Variants in ANO6 observed in about 807,000 individuals in gnomAD.
The protein encoded by ANO6 is anoctamin 6, also known as anoctamin-6.
A neutral mutation model predicts 117.5 loss-of-function variants in ANO6; 106 were observed. The observed-to-expected ratio is 0.90, with a 90% confidence interval of 0.77 to 1.06. The LOEUF is 1.06. Ranked by LOEUF, ANO6 falls within the 50% of genes least tolerant of loss-of-function variation. The probability of loss-of-function intolerance (pLI) is 0.00; values close to 1 mark genes in which losing one functional copy is unlikely to be tolerated. For missense variants in ANO6, 955 were observed against 1,121.1 expected (o/e 0.85, Z 2.12); for synonymous variants, 367 against 385.1 (o/e 0.95, Z 0.55).
At chr12:45,344,542 G>A (rs952649884) in intron 3 of ANO6, among the ~76,000 whole-genome samples, 17 of 152,222 alleles carry the variant, frequency 1.1e-4, no homozygotes, top group African/African-American at 3.9e-4. Context: ...ACCAGATCTC[G>A]TGAGAACTCA....
chr12:45,225,146 C>T (rs1411352098), intron 1 of ANO6, among the ~76,000 whole-genome samples: 3 of 149,622 alleles, frequency 2.0e-5, no homozygotes, highest in Middle Eastern at 3.2e-3. Flanking sequence ...TGTCATTGTG[C>T]CACTGCAGTC....
chr12:45,388,188 G>T lies in ANO6; in HGVS notation c.1193G>T (p.Arg398Leu). 6.2e-7 allele frequency: 1 copy of T among 1,613,938 alleles called. No individual in the cohort carries two copies. Among genetic ancestry groups the T allele is most frequent in the African/African-American group, 1.3e-5 (1 of 75,018 alleles). ...ACCTTGTTTTTGGAGTTTTGGAAGC[G>T]ACGCCAGGCAGAACTTGAGTATGAA... is the stretch of plus-strand genomic sequence containing the variant. ...WVTLFLEFWK[R>L]RQAELEYEWD... is the part of the protein sequence containing the mutation. The change falls in exon 11 of 20, where the codon CGA becomes CTA. Residue 398 changes from arginine to leucine, a missense_variant. By Grantham distance (102) the Arg-to-Leu change is moderately radical. Transcript: ENST00000320560.
intron 1 of ANO6, among the ~76,000 whole-genome samples, chr12:45,221,055 G>T (rs1947388599): frequency 6.9e-6 from 1 of 144,636 alleles, no homozygotes. Context: ...ATTGGTGTCG[G>T]AAGTGGGGGG....
chr12:45,232,973 TC>T (rs1947596139), intron 1 of ANO6, among the ~76,000 whole-genome samples: 1 of 152,296 alleles, frequency 6.6e-6, no homozygotes, highest in East Asian at 1.9e-4. Flanking sequence ...GTACATCTGT[TC>T]CCTGCACTCC....
Position 45,429,379 on chromosome 12 carries a change from G to A in ANO6, c.*68G>A, listed in dbSNP as rs1258657015. On this transcript the variant is annotated 3_prime_UTR_variant, in exon 20 of 20. Coordinates refer to ENST00000320560, the MANE Select transcript of ANO6 (RefSeq NM_001025356.3). ...TCAAAATATATTAGGAATCACTAATGAGAATGTGTAAGTTAAATCACTTTG... is the reference window on the plus strand; with the variant it reads ...TCAAAATATATTAGGAATCACTAATAAGAATGTGTAAGTTAAATCACTTTG... 36 of 1,571,042 alleles carry A rather than the reference G, an allele frequency of 2.3e-5. No individual in the cohort carries two copies. In the African/African-American group the frequency reaches 4.4e-4, roughly 19 times the overall value.
At chr12:45,361,033 G>A (rs1184108104) in intron 8 of ANO6, among the ~76,000 whole-genome samples, 1 of 152,134 alleles carries the variant, frequency 6.6e-6, no homozygotes, top group Non-Finnish European at 1.5e-5. Context: ...TGTTTTGGCT[G>A]TTCTGGGTCT....
rs866444288 is a variant in ANO6, at chr12:45,383,306, C to T, written c.1166-4855C>T. 20 of 156,942 alleles carry T rather than the reference C, an allele frequency of 1.3e-4. No individual in the cohort carries two copies. In the East Asian group the frequency reaches 3.1e-3, roughly 24 times the overall value. 9.7% of individuals were successfully genotyped at this position (156,942 alleles called of 1,614,324 possible). On this transcript the variant is annotated intron_variant, in intron 10 of 19. Coordinates refer to ENST00000320560, the MANE Select transcript of ANO6 (RefSeq NM_001025356.3). Reference sequence around the variant, plus strand: ...CTTCTTGCTCTTTCTACCACATCTGCAGTGACTTCCTCCACTGAAGTCTTG... The same window carrying T: ...CTTCTTGCTCTTTCTACCACATCTGTAGTGACTTCCTCCACTGAAGTCTTG...
intron 1 of ANO6, among the ~76,000 whole-genome samples, chr12:45,299,315 C>T (rs1272130818): frequency 5.3e-5 from 8 of 152,146 alleles, no homozygotes. Flanking sequence ...TACTATAGCC[C>T]TCCAGGAGTT....
At chr12:45,317,524 T>G (rs1014318249) in intron 2 of ANO6, among the ~76,000 whole-genome samples, 2 of 151,792 alleles carry the variant, frequency 1.3e-5, no homozygotes, top group African/African-American at 2.4e-5. Flanking sequence ...TCTATCATTG[T>G]TGGACATTTG....
In ANO6 at chr12:45,431,063, T is replaced by C; in HGVS notation, c.*1752T>C. 1.0e-6 allele frequency: 1 copy of C among 985,424 alleles called. No homozygotes were observed. The highest frequency in any genetic ancestry group is 1.2e-6 in the Non-Finnish European group (1 of 829,928). 61.0% of individuals were successfully genotyped at this position (985,424 alleles called of 1,614,324 possible). ...CATGAATGATTTGTAAGTAATTATG[T>C]AGGATCCATCAAAGCAGTATTGTAG... On this transcript the variant is annotated 3_prime_UTR_variant, in exon 20 of 20. Coordinates refer to ENST00000320560, the MANE Select transcript of ANO6 (RefSeq NM_001025356.3).
intron 1 of ANO6, among the ~76,000 whole-genome samples, chr12:45,234,076 A>G (rs1347008267): frequency 6.6e-6 from 1 of 152,222 alleles, no homozygotes; most frequent in African/African-American, 2.4e-5. Flanking sequence ...AAAGTCAGGT[A>G]GCTTTTGGTC....
chr12:45,309,732 G>A (rs1939790303), intron 2 of ANO6, among the ~76,000 whole-genome samples: 1 of 152,026 alleles, frequency 6.6e-6, no homozygotes, highest in South Asian at 2.1e-4. Flanking sequence ...TCTGCCCACA[G>A]ACTTCCAGAT....
At chr12:45,247,812 T>C (rs982735663) in intron 1 of ANO6, among the ~76,000 whole-genome samples, 5 of 152,222 alleles carry the variant, frequency 3.3e-5, no homozygotes, top group Middle Eastern at 3.2e-3. Flanking sequence ...TGACCTCATC[T>C]AATCCCAATG....
intron 1 of ANO6, among the ~76,000 whole-genome samples, chr12:45,295,136 AT>A: frequency 6.6e-6 from 1 of 152,252 alleles, no homozygotes; most frequent in East Asian, 1.9e-4. Flanking sequence ...GTAGCAATAC[AT>A]AGCCATCATG....
At chr12:45,287,873 A>G (rs1257987260) in intron 1 of ANO6, among the ~76,000 whole-genome samples, 1 of 152,128 alleles carries the variant, frequency 6.6e-6, no homozygotes, top group Non-Finnish European at 1.5e-5. Flanking sequence ...ACTACTCCTT[A>G]TCCTTTTGCT....
At chr12:45,323,312 T>A (rs1940342661) in intron 2 of ANO6, among the ~76,000 whole-genome samples, 1 of 152,206 alleles carries the variant, frequency 6.6e-6, no homozygotes, top group African/African-American at 2.4e-5. Context: ...TCAGTTAATC[T>A]GGTTGCCCAA....
intron 2 of ANO6, 97 bp downstream of exon 2, chr12:45,302,190 G>A (rs1939516555): frequency 1.9e-6 from 2 of 1,051,214 alleles, no homozygotes; most frequent in African/African-American, 1.6e-5. Context: ...TTCCTTCAAT[G>A]GCTGTAGATC....
At chr12:45,226,306 TGAAAGA>T (rs961860934) in intron 1 of ANO6, among the ~76,000 whole-genome samples, 1 of 152,166 alleles carries the variant, frequency 6.6e-6, no homozygotes, top group Admixed American at 6.5e-5. Flanking sequence ...GAAATACAAG[TGAAAGA>T]AAATGTATTC....
Position 45,369,504 on chromosome 12 carries a change from G to GA in ANO6, c.1104+1722dup, listed in dbSNP as rs57204125. On this transcript the variant is annotated intron_variant, in intron 9 of 19. Coordinates refer to ENST00000320560, the MANE Select transcript of ANO6 (RefSeq NM_001025356.3). ...ACCCCTGTGTGCATTTTTTTGTTTT[G>GA]AAAAAAAAAAATTGAATCTTTAATT... is the stretch of plus-strand genomic sequence containing the variant. 3.7e-4 allele frequency among the ~76,000 whole-genome samples: 53 copies of GA among 144,546 alleles called. 1 individual carries two copies. Among genetic ancestry groups the GA allele is most frequent in the South Asian group, 2.4e-3 (11 of 4,602 alleles). 94.8% of individuals were successfully genotyped at this position (144,546 alleles called of 152,430 possible).
Sources: gnomAD v4.1 joint callset for allele counts (sites outside exome capture counted in the v4.1 genomes callset) on GRCh38, gnomAD v4.1.1 for gene constraint, MANE v1.5 for transcripts, NCBI Gene and HGNC (gene_info 2026-07-23, HGNC 2026-07-21) for gene names.